HOOK3: variants seen among roughly 807,000 people sequenced by gnomAD.
The protein encoded by HOOK3 is hook microtubule tethering protein 3, also known as protein Hook homolog 3.
A neutral mutation model predicts 116.3 loss-of-function variants in HOOK3; 24 were observed. The ratio of observed to expected loss-of-function variants is 0.21; its 90% CI spans 0.15 to 0.29. The LOEUF is 0.29. HOOK3 is among the 10% of genes least tolerant of loss of function. The probability of loss-of-function intolerance (pLI) is 1.00; values close to 1 mark genes in which losing one functional copy is unlikely to be tolerated. For missense variants in HOOK3, 632 were observed against 830.2 expected, an observed-to-expected ratio of 0.76 and a Z score of 2.93; for synonymous variants, 275 against 283.0, an observed-to-expected ratio of 0.97 and a Z score of 0.28.
At chr8:42,978,261 A>G (rs1808865937) in intron 13 of HOOK3, among the ~76,000 whole-genome samples, 1 of 152,008 alleles carries the variant, frequency 6.6e-6, no homozygotes, top group Non-Finnish European at 1.5e-5. Context: ...TCTTTTTTTG[A>G]GATGGAGTTT....
At chr8:42,982,377 T>C (rs1178034238) in intron 13 of HOOK3, among the ~76,000 whole-genome samples, 1 of 151,034 alleles carries the variant, frequency 6.6e-6, no homozygotes, top group Non-Finnish European at 1.5e-5. Flanking sequence ...GATGAAAAAG[T>C]TTTGAAAATA....
At chr8:43,005,166 G>T (rs1809454626) in intron 17 of HOOK3, among the ~76,000 whole-genome samples, 2 of 135,026 alleles carry the variant, frequency 1.5e-5, no homozygotes, top group African/African-American at 2.8e-5. Flanking sequence ...AATTTAAATT[G>T]CACAAAATTA....
chr8:43,019,612 A>G lies in HOOK3; in HGVS notation c.*1114A>G, dbSNP rs1391373420. ...TGTTACTAAATAGATTTTCTTGGATATTTGGTTGCCTCAAAGTGCTTACAT... is the reference window on the plus strand; with the variant it reads ...TGTTACTAAATAGATTTTCTTGGATGTTTGGTTGCCTCAAAGTGCTTACAT... On this transcript the variant is annotated 3_prime_UTR_variant, in exon 22 of 22. Transcript: ENST00000307602. 3 of 203,026 alleles carry G rather than the reference A, an allele frequency of 1.5e-5. No individual in the cohort carries two copies. The highest frequency in any genetic ancestry group is 3.0e-5 in the Non-Finnish European group (3 of 99,174). 12.6% of individuals were successfully genotyped at this position (203,026 alleles called of 1,614,324 possible).
intron 15 of HOOK3, among the ~76,000 whole-genome samples, chr8:42,991,693 C>T (rs927440986): frequency 2.6e-5 from 4 of 152,132 alleles, no homozygotes; most frequent in Non-Finnish European, 4.4e-5. Context: ...TGAGCCACTG[C>T]GTCTGGCCAA....
At chr8:42,975,643 C>T (rs773903353) in intron 13 of HOOK3, among the ~76,000 whole-genome samples, 4 of 152,156 alleles carry the variant, frequency 2.6e-5, no homozygotes, top group Non-Finnish European at 5.9e-5. Context: ...ATGACGCTGC[C>T]GTGCTAATTT....
intron 5 of HOOK3, among the ~76,000 whole-genome samples, chr8:42,945,369 G>T (rs185511252): frequency 3.4e-4 from 51 of 152,166 alleles, no homozygotes; most frequent in Non-Finnish European, 6.0e-4. Context: ...GAGTGCAGTG[G>T]CATGATCTCA....
At chr8:42,899,058 A>G (rs1277037843) in intron 1 of HOOK3, among the ~76,000 whole-genome samples, 2 of 151,734 alleles carry the variant, frequency 1.3e-5, no homozygotes, top group Non-Finnish European at 1.5e-5. Context: ...GTAAAGTTGA[A>G]AAGTCTTAAG....
chr8:42,962,784 T>C (rs1586611720), intron 8 of HOOK3, among the ~76,000 whole-genome samples: 1 of 144,490 alleles, frequency 6.9e-6, no homozygotes, highest in African/African-American at 2.7e-5. Flanking sequence ...TTTTTTGGTC[T>C]GACTTCTTCT....
Position 43,027,189 on chromosome 8 carries a change from C to A in HOOK3, c.*8691C>A. 4.3e-6 allele frequency: 1 copy of A among 232,950 alleles called. No homozygotes were observed. The highest frequency in any genetic ancestry group is 8.7e-6 in the Non-Finnish European group (1 of 115,462). The allele number at this position is 232,950 out of a possible 1,614,324, so 14.4% of individuals were successfully genotyped here. A position where few individuals can be genotyped will look rare whatever the true frequency, so the allele number is the denominator to read the frequency against. The stretch of plus-strand genomic sequence containing the variant: ...TTATTATAGGCGTGAGCCACCATGC[C>A]CAGTGAACTTGGCCATTTTCTTACA... On this transcript the variant is annotated 3_prime_UTR_variant, in exon 22 of 22. Coordinates refer to ENST00000307602, the MANE Select transcript of HOOK3 (RefSeq NM_032410.4).
At chr8:42,958,950 C>CA (rs1471524834) in intron 7 of HOOK3, among the ~76,000 whole-genome samples, 1 of 151,986 alleles carries the variant, frequency 6.6e-6, no homozygotes, top group African/African-American at 2.4e-5. Flanking sequence ...TTATCCTTAC[C>CA]AAGAACCAGG....
chr8:42,942,073 A>G (rs1470451829), intron 4 of HOOK3, among the ~76,000 whole-genome samples: 1 of 152,138 alleles, frequency 6.6e-6, no homozygotes, highest in African/African-American at 2.4e-5. Context: ...AGCCTGACCA[A>G]CATGGTGAAA....
rs115014628 is a variant in HOOK3, at chr8:43,021,089, G to A, written c.*2591G>A. On this transcript the variant is annotated 3_prime_UTR_variant, in exon 22 of 22. Transcript: ENST00000307602. Reference sequence around the variant, plus strand: ...TGCACCCCAGCCTGGCGACAAGAGCGAAACTCTGTCGCAAGAAAAAAAAAA... The same window carrying A: ...TGCACCCCAGCCTGGCGACAAGAGCAAAACTCTGTCGCAAGAAAAAAAAAA... 1,546 of 104,920 alleles carry A rather than the reference G, an allele frequency of 0.015. 26 individuals are homozygous for A. The highest frequency in any genetic ancestry group is 0.054 in the African/African-American group (1,449 of 27,066). 6.5% of individuals were successfully genotyped at this position (104,920 alleles called of 1,614,324 possible).
chr8:42,912,815 A>G (rs752083053), intron 2 of HOOK3, among the ~76,000 whole-genome samples: 3 of 152,174 alleles, frequency 2.0e-5, no homozygotes, highest in South Asian at 2.1e-4. Context: ...TGTACATCCT[A>G]TGGGTTTTGA....
chr8:42,934,707 T>A (rs886104341), intron 4 of HOOK3, among the ~76,000 whole-genome samples: 2 of 152,182 alleles, frequency 1.3e-5, no homozygotes, highest in Non-Finnish European at 2.9e-5. Context: ...TTCATGTCCC[T>A]GCAAAGGACA....
chr8:42,903,836 T>G (rs1241107160), intron 1 of HOOK3, among the ~76,000 whole-genome samples: 3 of 151,532 alleles, frequency 2.0e-5, no homozygotes, highest in African/African-American at 4.8e-5. Context: ...GGCGCCTGTA[T>G]TCCCAGCTAC....
rs144726995 is a variant in HOOK3 at position 42,898,714 on chromosome 8, A to G, written c.57+1526A>G. ...CATTGTTTAAAATCTAGGGAGAAAGAAGACATGGAAATAAAGAGGTGTACA... is the reference window on the plus strand; with the variant it reads ...CATTGTTTAAAATCTAGGGAGAAAGGAGACATGGAAATAAAGAGGTGTACA... On this transcript the variant is annotated intron_variant, in intron 1 of 21. Transcript: ENST00000307602. 1.8e-4 allele frequency among the ~76,000 whole-genome samples: 27 copies of G among 152,322 alleles called. No individual in the cohort carries two copies. In the East Asian group the frequency reaches 4.2e-3, roughly 24 times the overall value.
At chr8:43,017,102 A>G (rs1229913453) in intron 21 of HOOK3, among the ~76,000 whole-genome samples, 1 of 152,172 alleles carries the variant, frequency 6.6e-6, no homozygotes, top group Non-Finnish European at 1.5e-5. Flanking sequence ...TGTCTTCTGC[A>G]CATCCTTCAT....
intron 2 of HOOK3, among the ~76,000 whole-genome samples, chr8:42,907,835 A>C (rs771845234): frequency 0.016 from 2,373 of 150,666 alleles, 26 homozygotes; most frequent in Middle Eastern, 0.038. Flanking sequence ...AAAAAAAAAA[A>C]AAAACAGTAA....
chr8:43,012,778 C>G (rs1326196909), intron 19 of HOOK3, among the ~76,000 whole-genome samples: 4 of 151,778 alleles, frequency 2.6e-5, no homozygotes. Context: ...TTTTTAAACA[C>G]TTTTTGTAGA....
Sources: gnomAD v4.1 joint callset for allele counts (sites outside exome capture counted in the v4.1 genomes callset) on GRCh38, gnomAD v4.1.1 for gene constraint, MANE v1.5 for transcripts, NCBI Gene and HGNC (gene_info 2026-07-23, HGNC 2026-07-21) for gene names.